Variants in ZC3H12B observed in about 807,000 individuals in gnomAD.
ZC3H12B encodes the protein zinc finger CCCH-type containing 12B.
In ZC3H12B, 7 loss-of-function variants were observed where a neutral mutation model predicts 43.9. The ratio of observed to expected loss-of-function variants is 0.16; its 90% CI spans 0.09 to 0.30. ZC3H12B has a LOEUF of 0.30. Ranked by LOEUF, ZC3H12B falls within the 10% of genes least tolerant of loss-of-function variation. ZC3H12B has a pLI of 1.00. For synonymous variants in ZC3H12B, 222 were observed against 241.7 expected, an observed-to-expected ratio of 0.92 and a Z score of 0.76; for missense variants, 475 against 670.2, an observed-to-expected ratio of 0.71 and a Z score of 3.22.
At chrX:65,353,830 T>G in the ZC3H12B span, among the ~76,000 whole-genome samples, 11 of 111,340 alleles carry the variant, frequency 9.9e-5, no homozygotes, top group East Asian at 2.8e-4. Flanking sequence ...CCCCTCACAG[T>G]GTAAACAAAG....
the ZC3H12B span, among the ~76,000 whole-genome samples, chrX:65,073,445 C>G: frequency 1.8e-5 from 2 of 112,292 alleles, no homozygotes; most frequent in Non-Finnish European, 3.8e-5. Context: ...ACACTGCAAG[C>G]AAGTGCAGCC....
intron 3 of ZC3H12B, among the ~76,000 whole-genome samples, chrX:65,429,950 T>G (rs760785071): frequency 1.8e-5 from 2 of 112,144 alleles, no homozygotes; most frequent in Non-Finnish European, 3.8e-5. Flanking sequence ...AGGAGCTCCC[T>G]CTAATCTCAG....
At chrX:65,060,706 T>C in the ZC3H12B span, among the ~76,000 whole-genome samples, 1 of 112,322 alleles carries the variant, frequency 8.9e-6, no homozygotes, top group Non-Finnish European at 1.9e-5. Context: ...AGGGCAATAC[T>C]GGACTCATAA....
At chrX:65,136,202 T>A in the ZC3H12B span, among the ~76,000 whole-genome samples, 8 of 111,664 alleles carry the variant, frequency 7.2e-5, no homozygotes. Flanking sequence ...CAACAGCTAA[T>A]GGGAGAACTA....
the ZC3H12B span, among the ~76,000 whole-genome samples, chrX:65,236,314 T>C: frequency 2.7e-5 from 3 of 112,254 alleles, no homozygotes; most frequent in African/African-American, 9.7e-5. Flanking sequence ...TGTTTAGCTT[T>C]TTTTTCATAT....
chrX:65,502,400 G>A (rs375015096), exon 5 of ZC3H12B: 15 of 1,209,192 alleles, frequency 1.2e-5, no homozygotes, highest in African/African-American at 1.8e-5. Context: ...GTATTACATG[G>A]CTGAAGTAGA....
the ZC3H12B span, among the ~76,000 whole-genome samples, chrX:65,330,130 T>C: frequency 1.2e-4 from 13 of 110,528 alleles, no homozygotes; most frequent in African/African-American, 3.6e-4. Flanking sequence ...ATCTATAAAT[T>C]ACCTTGGGCA....
At chrX:65,433,012 A>T (rs748764173) in intron 3 of ZC3H12B, among the ~76,000 whole-genome samples, 2 of 112,540 alleles carry the variant, frequency 1.8e-5, no homozygotes, top group South Asian at 7.4e-4. Flanking sequence ...GAGTTGTATT[A>T]CTGGCTTTGC....
At chrX:65,181,059 A>G in the ZC3H12B span, among the ~76,000 whole-genome samples, 10 of 111,551 alleles carry the variant, frequency 9.0e-5, no homozygotes, top group South Asian at 3.7e-4. Context: ...ACAGACACAT[A>G]GGCCAATGGA....
Position 65,471,422 on chromosome X carries a change from A to G in ZC3H12B, n.408-17224A>G, listed in dbSNP as rs191561551. Among the ~76,000 whole-genome samples, 315 of 106,286 alleles carry G rather than the reference A, an allele frequency of 3.0e-3. 2 individuals carry two copies. Among genetic ancestry groups the G allele is most frequent in the Admixed American group, 6.9e-3 (67 of 9,746 alleles). 92.3% of individuals were successfully genotyped at this position (106,286 alleles called of 115,157 possible). ...CTTTACATGTTAGGTGAGTCACTTGAAACAGTAGATATTTGGTTTGTGATT... is the reference window on the plus strand; with the variant it reads ...CTTTACATGTTAGGTGAGTCACTTGGAACAGTAGATATTTGGTTTGTGATT... On this transcript the variant is annotated intron_variant and non_coding_transcript_variant, in intron 3 of 5. Transcript: ENST00000617377.
the ZC3H12B span, among the ~76,000 whole-genome samples, chrX:65,083,182 T>A: frequency 9.0e-6 from 1 of 110,992 alleles, no homozygotes; most frequent in East Asian, 2.8e-4. Flanking sequence ...ACTGAAAGCT[T>A]TTCCTCTAGA....
chrX:65,123,824 T>A, the ZC3H12B span, among the ~76,000 whole-genome samples: 2 of 109,074 alleles, frequency 1.8e-5, no homozygotes, highest in Non-Finnish European at 3.8e-5. Flanking sequence ...AGCTACTGAT[T>A]TGTGTAAATT....
chrX:65,233,329 G>A, the ZC3H12B span, among the ~76,000 whole-genome samples: 14,883 of 110,784 alleles, frequency 0.13, 2,382 homozygotes, highest in African/African-American at 0.45. Context: ...CATTCTCAAG[G>A]ATAGGCTATA....
At chrX:65,436,568 C>T (rs1436091031) in intron 3 of ZC3H12B, among the ~76,000 whole-genome samples, 1 of 111,967 alleles carries the variant, frequency 8.9e-6, no homozygotes, top group Non-Finnish European at 1.9e-5. Flanking sequence ...TCTTAGTATG[C>T]TTTTACACTG....
the ZC3H12B span, among the ~76,000 whole-genome samples, chrX:65,212,522 T>A: frequency 6.8e-5 from 5 of 73,913 alleles, no homozygotes; most frequent in Admixed American, 1.1e-3. Flanking sequence ...AATATTTTTA[T>A]TATATTACAT....
chrX:65,231,069 G>A, the ZC3H12B span, among the ~76,000 whole-genome samples: 6 of 111,336 alleles, frequency 5.4e-5, 1 homozygote, highest in African/African-American at 2.0e-4. Flanking sequence ...GCCGGTCTGA[G>A]AAATAAAAAG....
the ZC3H12B span, among the ~76,000 whole-genome samples, chrX:65,292,393 G>C: frequency 9.0e-6 from 1 of 111,255 alleles, no homozygotes; most frequent in African/African-American, 3.3e-5. Context: ...AACCAAATAC[G>C]GCATGTTCTC....
At chrX:65,374,004 TA>T (rs1162109098) in intron 2 of ZC3H12B, among the ~76,000 whole-genome samples, 12 of 52,252 alleles carry the variant, frequency 2.3e-4, no homozygotes, top group African/African-American at 2.8e-4. Context: ...ATAGTATATA[TA>T]TATAACTATA....
the ZC3H12B span, among the ~76,000 whole-genome samples, chrX:65,167,296 G>C: frequency 5.4e-5 from 6 of 112,075 alleles, no homozygotes; most frequent in African/African-American, 1.9e-4. Context: ...TTATTAAATA[G>C]GGAATCCTTT....
Sources: gnomAD v4.1 joint callset for allele counts (sites outside exome capture counted in the v4.1 genomes callset) on GRCh38, gnomAD v4.1.1 for gene constraint, MANE v1.5 for transcripts, NCBI Gene and HGNC (gene_info 2026-07-23, HGNC 2026-07-21) for gene names.